NUP35: variants seen among roughly 807,000 people sequenced by gnomAD.
The protein encoded by NUP35 is nucleoporin NUP35.
A neutral mutation model predicts 41.5 loss-of-function variants in NUP35; 25 were observed. That is an observed-to-expected ratio of 0.60 (90% CI 0.44 to 0.84). The LOEUF (loss-of-function observed/expected upper bound fraction) is 0.84. Ranked by LOEUF, NUP35 falls within the 40% of genes least tolerant of loss-of-function variation. The probability of loss-of-function intolerance (pLI) is 0.00; values close to 1 mark genes in which losing one functional copy is unlikely to be tolerated. For missense variants in NUP35, 396 were observed against 396.6 expected (o/e 1.00, Z 0.01); for synonymous variants, 149 against 130.7 (o/e 1.14, Z -0.96).
At chr2:183,155,696 T>C (rs1332137469) in intron 5 of NUP35, among the ~76,000 whole-genome samples, 1 of 151,892 alleles carries the variant, frequency 6.6e-6, no homozygotes, top group East Asian at 1.9e-4. Flanking sequence ...CTCAGCCTCA[T>C]GAGTAGTTGG....
chr2:183,137,884 A>G (rs1391235109), intron 4 of NUP35, among the ~76,000 whole-genome samples: 1 of 151,984 alleles, frequency 6.6e-6, no homozygotes, highest in Non-Finnish European at 1.5e-5. Flanking sequence ...TAATTTTCCT[A>G]CCGTTGTCAA....
intron 5 of NUP35, among the ~76,000 whole-genome samples, chr2:183,152,237 A>G (rs1249569991): frequency 6.6e-6 from 1 of 151,272 alleles, no homozygotes; most frequent in Non-Finnish European, 1.5e-5. Flanking sequence ...TACATTTTTG[A>G]ATAGATTTTT....
chr2:183,136,335 T>C (rs1386240770), intron 4 of NUP35, among the ~76,000 whole-genome samples: 1 of 152,168 alleles, frequency 6.6e-6, no homozygotes, highest in Admixed American at 6.5e-5. Context: ...ATCTGGGCTG[T>C]TGGTTAGAGC....
At position 183,124,480 on chromosome 2, in the gene NUP35, C is replaced by T. The variant is rs913968718; in HGVS notation, c.23C>T (p.Pro8Leu). ...GCAATGGCAGCCTTTGCAGTGGAACCTCAGGGGCCCGCGTTAGGTGAGTGA... is the reference window on the plus strand; with the variant it reads ...GCAATGGCAGCCTTTGCAGTGGAACTTCAGGGGCCCGCGTTAGGTGAGTGA... Reference protein sequence around the residue: MAAFAVEPQGPALGSEPM... With the variant: MAAFAVELQGPALGSEPM... The change falls in exon 1 of 9, where the codon CCT becomes CTT. Residue 8 changes from proline (P) to leucine (L), a missense_variant. Transcript: ENST00000295119. 1.5e-5 allele frequency: 24 copies of T among 1,613,992 alleles called. No individual in the cohort carries two copies. In the Middle Eastern group the frequency reaches 8.2e-4, roughly 55 times the overall value.
intron 2 of NUP35, 58 bp from the exon 3 acceptor site, chr2:183,130,360 A>G: frequency 6.7e-7 from 1 of 1,494,312 alleles, no homozygotes. Flanking sequence ...ATATAAATTT[A>G]AAAAATCTTA....
chr2:183,138,269 A>ATTTTTTTT (rs147315571), intron 4 of NUP35, among the ~76,000 whole-genome samples: 1 of 80,692 alleles, frequency 1.2e-5, no homozygotes, highest in African/African-American at 6.2e-5. Flanking sequence ...ATATATATAT[A>ATTTTTTTT]TTTTTTTTTT....
At position 183,143,168 on chromosome 2, in the gene NUP35, AAAG is replaced by A. The variant is rs1300433050; in HGVS notation, c.398-8337_398-8335del. ...GAGACTCCATCTCAAAAAAAAAAAA[AAAG>A]AAAAGAAATACAGCATTCTGTTCTT... On this transcript the variant is annotated intron_variant, in intron 4 of 8. Transcript: ENST00000295119. Among the ~76,000 whole-genome samples the A allele has an allele frequency of 2.4e-4, 36 of 151,088 alleles. No individual in the cohort carries two copies. The East Asian group carries it at 6.6e-3, about 28-fold the overall frequency.
intron 6 of NUP35, 83 bp from the exon 7 acceptor site, chr2:183,158,200 C>T (rs1685741186): frequency 1.9e-6 from 2 of 1,041,922 alleles, no homozygotes; most frequent in African/African-American, 1.6e-5. Context: ...ATTTATCTTA[C>T]CATGTTCCTA....
intron 3 of NUP35, among the ~76,000 whole-genome samples, chr2:183,131,611 A>C (rs1374236721): frequency 6.6e-6 from 1 of 152,244 alleles, no homozygotes; most frequent in Non-Finnish European, 1.5e-5. Context: ...AACAGGAGCC[A>C]CTAGCTAAGT....
intron 4 of NUP35, among the ~76,000 whole-genome samples, chr2:183,142,216 G>A (rs1282535220): frequency 6.6e-6 from 1 of 151,984 alleles, no homozygotes; most frequent in African/African-American, 2.4e-5. Flanking sequence ...TTGTTTTGCT[G>A]GGGAATTGAT....
intron 4 of NUP35, among the ~76,000 whole-genome samples, chr2:183,142,934 G>A (rs7591252): frequency 0.078 from 11,774 of 151,638 alleles, 544 homozygotes; most frequent in South Asian, 0.17. Flanking sequence ...AGGTGGGTGG[G>A]TCACGAGATC....
intron 1 of NUP35, among the ~76,000 whole-genome samples, chr2:183,124,858 C>G (rs1385556703): frequency 6.6e-6 from 1 of 152,180 alleles, no homozygotes; most frequent in Non-Finnish European, 1.5e-5. Context: ...TTGCTGGTCC[C>G]CAGAAGCATC....
upstream of NUP35, among the ~76,000 whole-genome samples, chr2:183,120,445 C>CAAAA (rs3029530): frequency 1.7e-5 from 2 of 118,288 alleles, no homozygotes; most frequent in African/African-American, 6.4e-5. Flanking sequence ...GACTCCGTCT[C>CAAAA]AAAAAAAAAA....
intron 1 of NUP35, among the ~76,000 whole-genome samples, chr2:183,127,748 A>C (rs1308758820): frequency 6.6e-6 from 1 of 152,186 alleles, no homozygotes; most frequent in Non-Finnish European, 1.5e-5. Flanking sequence ...AAACCCCTGA[A>C]ATAATGTAAA....
rs1575141408 is a variant in NUP35, at chr2:183,161,257, G to T, written c.*126G>T. On this transcript the variant is annotated 3_prime_UTR_variant, in exon 9 of 9. Coordinates refer to ENST00000295119, the MANE Select transcript of NUP35 (RefSeq NM_138285.5). ...TATCTCATACTTCTTTTAGAAAGAAGCCTTTTTCATTAAGGATACAACCTA... is the reference window on the plus strand; with the variant it reads ...TATCTCATACTTCTTTTAGAAAGAATCCTTTTTCATTAAGGATACAACCTA... 3.4e-6 allele frequency: 2 copies of T among 586,546 alleles called. No homozygotes were observed. Among genetic ancestry groups the T allele is most frequent in the Non-Finnish European group, 6.0e-6 (2 of 335,068 alleles). 36.3% of individuals were successfully genotyped at this position (586,546 alleles called of 1,614,324 possible).
At chr2:183,159,404 T>C (rs1685785951) in intron 7 of NUP35, 84 bp from the exon 8 acceptor site, 1 of 1,031,682 alleles carries the variant, frequency 9.7e-7, no homozygotes, top group Non-Finnish European at 1.4e-6. Context: ...CTTTATCTTT[T>C]AATTAAATTT....
At chr2:183,137,835 T>C in intron 4 of NUP35, among the ~76,000 whole-genome samples, 1 of 152,064 alleles carries the variant, frequency 6.6e-6, no homozygotes, top group East Asian at 1.9e-4. Context: ...ATGTTTTACA[T>C]TTTAGTGGCT....
upstream of NUP35, chr2:183,123,826 G>A (rs1450447555): frequency 4.1e-6 from 4 of 985,046 alleles, no homozygotes; most frequent in African/African-American, 7.0e-5. Flanking sequence ...AGGGTTCGTG[G>A]GTGCGTATAA....
chr2:183,127,458 T>A (rs569511588), intron 1 of NUP35, among the ~76,000 whole-genome samples: 192 of 152,270 alleles, frequency 1.3e-3, no homozygotes, highest in African/African-American at 4.4e-3. Context: ...AGAAAAAAGA[T>A]ACAAAAATAA....
Sources: allele counts gnomAD v4.1 joint callset (sites outside exome capture counted in the v4.1 genomes callset), GRCh38; gene constraint gnomAD v4.1.1; transcripts MANE v1.5; gene names NCBI Gene and HGNC (gene_info 2026-07-23, HGNC 2026-07-21).